Variants in SLIT2 observed in about 807,000 individuals in gnomAD.
The protein encoded by SLIT2 is slit guidance ligand 2.
A neutral mutation model predicts 185.7 loss-of-function variants in SLIT2; 41 were observed. The observed-to-expected ratio is 0.22, with a 90% confidence interval of 0.17 to 0.29. SLIT2 has a LOEUF of 0.29. SLIT2 is among the 10% of genes least tolerant of loss of function. SLIT2 has a pLI of 1.00. For missense variants in SLIT2, 1,571 were observed against 1,909.0 expected, an observed-to-expected ratio of 0.82 and a Z score of 3.30; for synonymous variants, 693 against 680.2, an observed-to-expected ratio of 1.02 and a Z score of -0.29.
intron 12 of SLIT2, among the ~76,000 whole-genome samples, chr4:20,521,252 G>A (rs1720816159): frequency 6.6e-6 from 1 of 152,148 alleles, no homozygotes; most frequent in East Asian, 1.9e-4. Context: ...TCTTTATAAA[G>A]TTTCATTTCT....
chr4:20,267,897 G>A (rs535816359), intron 3 of SLIT2, among the ~76,000 whole-genome samples: 10 of 151,832 alleles, frequency 6.6e-5, no homozygotes, highest in South Asian at 2.1e-4. Context: ...TACTCCTCTC[G>A]AGCTAGGCAG....
intron 29 of SLIT2, among the ~76,000 whole-genome samples, chr4:20,584,451 T>A (rs1244417636): frequency 1.3e-5 from 2 of 152,240 alleles, no homozygotes; most frequent in African/African-American, 4.8e-5. Flanking sequence ...TCAGGGTAGT[T>A]ATGTGAGTGC....
At chr4:20,430,494 TTA>T (rs1577643909) in intron 4 of SLIT2, among the ~76,000 whole-genome samples, 1 of 152,324 alleles carries the variant, frequency 6.6e-6, no homozygotes, top group East Asian at 1.9e-4. Context: ...CTGGTATGTT[TTA>T]ATATCAAAGA....
intron 4 of SLIT2, among the ~76,000 whole-genome samples, chr4:20,349,124 G>A (rs977503491): frequency 2.0e-5 from 3 of 152,068 alleles, no homozygotes; most frequent in Admixed American, 6.6e-5. Flanking sequence ...ATAGGAATTC[G>A]GTGTGGACAA....
intron 4 of SLIT2, among the ~76,000 whole-genome samples, chr4:20,351,607 A>G (rs1721884589): frequency 6.6e-6 from 1 of 152,118 alleles, no homozygotes. Flanking sequence ...ACTTACAAAG[A>G]TGAGGACACT....
chr4:20,315,909 T>A (rs1175399741), intron 4 of SLIT2, among the ~76,000 whole-genome samples: 2 of 152,086 alleles, frequency 1.3e-5, no homozygotes, highest in Non-Finnish European at 2.9e-5. Context: ...TTCATATTTA[T>A]GATATTTTGA....
chr4:20,256,316 T>TTG (rs1553864836), intron 1 of SLIT2, among the ~76,000 whole-genome samples: 226 of 149,542 alleles, frequency 1.5e-3, no homozygotes, highest in East Asian at 0.012. Context: ...ACTTTTTTTT[T>TTG]GGGGGGGGTG....
intron 4 of SLIT2, among the ~76,000 whole-genome samples, chr4:20,326,356 G>A (rs929281607): frequency 6.6e-6 from 1 of 151,948 alleles, no homozygotes; most frequent in Admixed American, 6.6e-5. Flanking sequence ...TAATGACTCA[G>A]TCTGACTTAG....
intron 30 of SLIT2, among the ~76,000 whole-genome samples, chr4:20,590,526 G>A (rs1366852020): frequency 6.6e-6 from 1 of 152,180 alleles, no homozygotes; most frequent in East Asian, 1.9e-4. Flanking sequence ...CTATGCCTGT[G>A]ATGATCACTG....
chr4:20,478,982 C>T (rs930245702), intron 5 of SLIT2, among the ~76,000 whole-genome samples: 1 of 152,138 alleles, frequency 6.6e-6, no homozygotes, highest in African/African-American at 2.4e-5. Flanking sequence ...TAAAATACTT[C>T]TGCATTATGT....
chr4:20,283,120 G>GCGCGCACACACACACA (rs143964894), intron 4 of SLIT2, among the ~76,000 whole-genome samples: 6 of 149,850 alleles, frequency 4.0e-5, no homozygotes, highest in African/African-American at 9.8e-5. Flanking sequence ...GTGCGCGCGC[G>GCGCGCACACACACACA]CACACACACA....
chr4:20,608,187 T>A (rs1351168619), intron 33 of SLIT2, among the ~76,000 whole-genome samples: 2 of 152,098 alleles, frequency 1.3e-5, no homozygotes, highest in African/African-American at 4.8e-5. Context: ...TTTTACATAG[T>A]CCTCAAATTA....
intron 4 of SLIT2, among the ~76,000 whole-genome samples, chr4:20,272,340 C>T (rs1713716239): frequency 6.6e-6 from 1 of 151,652 alleles, no homozygotes; most frequent in Non-Finnish European, 1.5e-5. Flanking sequence ...CTTTGCTCCT[C>T]CTCCAAAATC....
chr4:20,490,757 A>G (rs485909), intron 8 of SLIT2: 468,349 of 1,340,098 alleles, frequency 0.35, 84,857 homozygotes, highest in East Asian at 0.54. Flanking sequence ...ACAGTTCGTT[A>G]CTAACCACTT....
In SLIT2 at chr4:20,489,056, C is replaced by T. The variant is rs1436710429; in HGVS notation, c.775+74C>T. 1.3e-5 allele frequency: 16 copies of T among 1,227,256 alleles called. No individual in the cohort carries two copies. The East Asian group carries it at 2.1e-4, about 16-fold the overall frequency. 76.0% of individuals were successfully genotyped at this position (1,227,256 alleles called of 1,614,324 possible). ...TGTAACAGAATGTGAGGGCTGCATGCGTCAAAGGTTTCAGTATTGTTCACT... is the reference window on the plus strand; with the variant it reads ...TGTAACAGAATGTGAGGGCTGCATGTGTCAAAGGTTTCAGTATTGTTCACT... On this transcript the variant is annotated intron_variant, in intron 8 of 36. Coordinates refer to ENST00000504154, the MANE Select transcript of SLIT2 (RefSeq NM_004787.4).
chr4:20,438,733 C>G (rs1156657313), intron 4 of SLIT2, among the ~76,000 whole-genome samples: 1 of 152,196 alleles, frequency 6.6e-6, no homozygotes, highest in Non-Finnish European at 1.5e-5. Flanking sequence ...CACTTGCCCC[C>G]TTTCTGTTAT....
chr4:20,597,553 A>G (rs1728085480), intron 32 of SLIT2, among the ~76,000 whole-genome samples: 2 of 152,228 alleles, frequency 1.3e-5, no homozygotes, highest in African/African-American at 2.4e-5. Context: ...TTATGTCTAC[A>G]TATTTGTTTT....
At chr4:20,358,005 A>C (rs1384524413) in intron 4 of SLIT2, among the ~76,000 whole-genome samples, 1 of 152,124 alleles carries the variant, frequency 6.6e-6, no homozygotes, top group Non-Finnish European at 1.5e-5. Flanking sequence ...ACATAAATGC[A>C]TTTTATGGTT....
intron 9 of SLIT2, among the ~76,000 whole-genome samples, chr4:20,494,403 G>A (rs895996894): frequency 1.3e-5 from 2 of 152,148 alleles, no homozygotes; most frequent in East Asian, 1.9e-4. Flanking sequence ...AAGAAAGTGA[G>A]AAGCGGGACC....
Sources: gnomAD v4.1 joint callset for allele counts (sites outside exome capture counted in the v4.1 genomes callset) on GRCh38, gnomAD v4.1.1 for gene constraint, MANE v1.5 for transcripts, NCBI Gene and HGNC (gene_info 2026-07-23, HGNC 2026-07-21) for gene names.